RFX8: variants seen among roughly 807,000 people sequenced by gnomAD.
RFX8 encodes DNA-binding protein RFX8.
RFX8 carries 46 observed loss-of-function variants against 54.6 expected under a neutral mutation model. The ratio of observed to expected loss-of-function variants is 0.84; its 90% confidence interval spans 0.67 to 1.08. The LOEUF is 1.08. Among genes scored for constraint, RFX8 ranks in the 50% least tolerant of loss-of-function variants. RFX8 has a pLI of 0.00. For missense variants in RFX8, 536 were observed against 562.3 expected, an observed-to-expected ratio of 0.95 and a Z score of 0.47; for synonymous variants, 192 against 209.5, an observed-to-expected ratio of 0.92 and a Z score of 0.72.
chr2:101,453,285 A>T (rs1688796179), intron 2 of RFX8, among the ~76,000 whole-genome samples: 1 of 143,690 alleles, frequency 7.0e-6, no homozygotes, highest in Non-Finnish European at 1.5e-5. Context: ...TCAAAAAAAA[A>T]TAAATAAATA....
At chr2:101,405,800 G>A in intron 10 of RFX8, 143 bp downstream of exon 10, 1 of 482,480 alleles carries the variant, frequency 2.1e-6, no homozygotes, top group Admixed American at 4.1e-5. Context: ...CGTGTTGTAT[G>A]GTTTGCTGTA....
At chr2:101,426,367 A>G (rs79999308) in intron 2 of RFX8, among the ~76,000 whole-genome samples, 1,636 of 152,026 alleles carry the variant, frequency 0.011, 40 homozygotes, top group African/African-American at 0.038. Flanking sequence ...AAACACAAAA[A>G]ACATTTCTGG....
intron 9 of RFX8, among the ~76,000 whole-genome samples, chr2:101,406,503 AT>A (rs1685744355): frequency 2.0e-5 from 1 of 50,646 alleles, no homozygotes; most frequent in South Asian, 7.1e-4. Context: ...GACTAATTTA[AT>A]TTTGGGGGGG....
At chr2:101,404,893 A>G (rs1314158112) in intron 10 of RFX8, among the ~76,000 whole-genome samples, 2 of 152,176 alleles carry the variant, frequency 1.3e-5, no homozygotes, top group Admixed American at 6.6e-5. Flanking sequence ...CAGGAGCTCC[A>G]GGGTGTCTGC....
intron 9 of RFX8, among the ~76,000 whole-genome samples, 183 bp from the exon 10 acceptor site, chr2:101,406,240 A>G (rs1183442205): frequency 2.6e-5 from 4 of 152,212 alleles, no homozygotes; most frequent in East Asian, 1.9e-4. Flanking sequence ...TCTGTCTTCC[A>G]TGGAGACGGT....
chr2:101,427,738 A>G (rs1314355890), intron 2 of RFX8, among the ~76,000 whole-genome samples: 1 of 152,038 alleles, frequency 6.6e-6, no homozygotes, highest in East Asian at 1.9e-4. Flanking sequence ...CAAACCACCC[A>G]TGGCCTGCAC....
chr2:101,464,096 G>A (rs568706742), intron 2 of RFX8, among the ~76,000 whole-genome samples: 3 of 152,290 alleles, frequency 2.0e-5, no homozygotes, highest in South Asian at 2.1e-4. Context: ...AGATGAAGTC[G>A]CCATGTGGTT....
intron 7 of RFX8, among the ~76,000 whole-genome samples, chr2:101,414,277 T>A (rs1244764454): frequency 6.6e-6 from 1 of 152,140 alleles, no homozygotes; most frequent in Non-Finnish European, 1.5e-5. Context: ...TTTATTTTTT[T>A]ATTTTTTTGA....
At chr2:101,421,525 A>G (rs1686861476) in intron 4 of RFX8, 199 bp downstream of exon 4, 1 of 1,291,594 alleles carries the variant, frequency 7.7e-7, no homozygotes, top group African/African-American at 1.5e-5. Context: ...TTTCCAACTG[A>G]TTACACTGAA....
At chr2:101,469,064 A>ATATG (rs1689779969) in intron 1 of RFX8, among the ~76,000 whole-genome samples, 1 of 20,758 alleles carries the variant, frequency 4.8e-5, no homozygotes, top group African/African-American at 1.9e-4. Context: ...ACGTATATAT[A>ATATG]TGTATATATA....
At chr2:101,455,057 G>A (rs1293983760) in intron 2 of RFX8, among the ~76,000 whole-genome samples, 10 of 142,292 alleles carry the variant, frequency 7.0e-5, no homozygotes, top group Admixed American at 2.2e-4. Flanking sequence ...TCTTGTTGCC[G>A]TGGAGTGCAA....
intron 2 of RFX8, among the ~76,000 whole-genome samples, chr2:101,465,435 G>A (rs1459532911): frequency 6.6e-6 from 1 of 152,282 alleles, no homozygotes; most frequent in Non-Finnish European, 1.5e-5. Flanking sequence ...GCTTGAACTC[G>A]GGAGGCGGAG....
intron 2 of RFX8, among the ~76,000 whole-genome samples, chr2:101,459,297 G>T (rs777077596): frequency 5.3e-5 from 8 of 152,148 alleles, no homozygotes; most frequent in Non-Finnish European, 1.2e-4. Context: ...GAGGCACTCT[G>T]GTTTTCGGAA....
At chr2:101,431,402 A>G (rs1279501667) in intron 2 of RFX8, among the ~76,000 whole-genome samples, 1 of 152,212 alleles carries the variant, frequency 6.6e-6, no homozygotes, top group African/African-American at 2.4e-5. Flanking sequence ...TTGTTAGTCC[A>G]ACAGTGCACA....
chr2:101,465,973 C>T (rs1689553352), intron 2 of RFX8, among the ~76,000 whole-genome samples: 1 of 152,140 alleles, frequency 6.6e-6, no homozygotes, highest in Admixed American at 6.5e-5. Context: ...TGTGAGCAGC[C>T]TCCATATTAG....
intron 1 of RFX8, among the ~76,000 whole-genome samples, chr2:101,472,938 G>A (rs1690091097): frequency 6.6e-6 from 1 of 151,992 alleles, no homozygotes; most frequent in Admixed American, 6.6e-5. Flanking sequence ...AGAATCACTT[G>A]AACTCAGGAG....
chr2:101,399,511 C>A (rs528581342), intron 11 of RFX8, among the ~76,000 whole-genome samples: 1 of 152,102 alleles, frequency 6.6e-6, no homozygotes, highest in African/African-American at 2.4e-5. Context: ...TTGTTTCCAA[C>A]CATTAAATAT....
chr2:101,415,462 G>C (rs1558848195), intron 6 of RFX8, among the ~76,000 whole-genome samples: 1 of 152,150 alleles, frequency 6.6e-6, no homozygotes, highest in Non-Finnish European at 1.5e-5. Context: ...CTGCCACCTA[G>C]TTGGTGGCAT....
intron 2 of RFX8, among the ~76,000 whole-genome samples, chr2:101,426,464 A>G (rs1687174257): frequency 6.6e-6 from 1 of 152,230 alleles, no homozygotes; most frequent in Non-Finnish European, 1.5e-5. Context: ...GACTCCAGTG[A>G]GCTGTGATCG....
Sources: allele counts gnomAD v4.1 joint callset (sites outside exome capture counted in the v4.1 genomes callset), GRCh38; gene constraint gnomAD v4.1.1; transcripts MANE v1.5; gene names NCBI Gene and HGNC (gene_info 2026-07-23, HGNC 2026-07-21).